The following EDNRA variants were observed in gnomAD, a reference collection of about 807,000 sequenced individuals.
EDNRA encodes endothelin-1 receptor.
Under a neutral mutation model 41.4 loss-of-function variants are expected in EDNRA, and 11 were observed. The ratio of observed to expected loss-of-function variants is 0.27; its 90% CI spans 0.17 to 0.44. The LOEUF is 0.44. Ranked by LOEUF, EDNRA falls within the 20% of genes least tolerant of loss-of-function variation. The pLI is 1.00. For synonymous variants in EDNRA, 172 were observed against 183.0 expected (o/e 0.94, Z 0.49); for missense variants, 294 against 531.0 (o/e 0.55, Z 4.39).
chr4:147,539,865 C>G lies in EDNRA; in HGVS notation c.949C>G (p.Leu317Val), dbSNP rs202191899. The G allele has an allele frequency of 1.2e-6, 2 of 1,612,782 alleles. No individual in the cohort carries two copies. Among genetic ancestry groups the G allele is most frequent in the Non-Finnish European group, 1.7e-6 (2 of 1,179,848 alleles). ...TTTCTGCTTGGTTGTAATTTTTGCT[C>G]TTTGCTGGTTCCCTCTTCATTTAAG... ...TVFCLVVIFA[L>V]CWFPLHLSRI... The change falls in exon 6 of 8, where the codon CTT (leucine) becomes GTT (valine). Residue 317 changes from leucine (L) to valine (V), a missense_variant. Physicochemically the swap from Leu to Val is conservative, Grantham distance 32 (BLOSUM62 1). Coordinates refer to ENST00000651419, the MANE Select transcript of EDNRA (RefSeq NM_001957.4).
At chr4:147,497,696 C>T (rs1490353043) in intron 2 of EDNRA, among the ~76,000 whole-genome samples, 1 of 152,038 alleles carries the variant, frequency 6.6e-6, no homozygotes, top group Admixed American at 6.6e-5. Flanking sequence ...CTCAGCCTCC[C>T]GAGTAGCTGG....
intron 2 of EDNRA, chr4:147,494,363 G>A (rs1472910651): frequency 6.6e-6 from 1 of 152,206 alleles, no homozygotes; most frequent in African/African-American, 2.4e-5. Context: ...AAAAGAGAGT[G>A]GAAAGAAGAG....
chr4:147,487,320 A>G (rs1728981532), intron 2 of EDNRA, among the ~76,000 whole-genome samples: 4 of 152,212 alleles, frequency 2.6e-5, no homozygotes, highest in Non-Finnish European at 1.5e-5. Flanking sequence ...AAGGAATTAC[A>G]TATTCCATAT....
chr4:147,498,847 C>A (rs893938982), intron 2 of EDNRA, among the ~76,000 whole-genome samples: 2 of 152,178 alleles, frequency 1.3e-5, no homozygotes, highest in African/African-American at 4.8e-5. Flanking sequence ...TCAAGCAATT[C>A]TCTTACCTCA....
At chr4:147,528,379 A>G in intron 3 of EDNRA, among the ~76,000 whole-genome samples, 1 of 134,798 alleles carries the variant, frequency 7.4e-6, no homozygotes, top group South Asian at 2.3e-4. Context: ...TTTTTTTCAG[A>G]CAGGGTCTTA....
At position 147,486,152 on chromosome 4, in the gene EDNRA, C is replaced by G; in HGVS notation, c.420+51C>G. The G allele has an allele frequency of 6.5e-7, 1 of 1,539,106 alleles. No individual in the cohort carries two copies. The highest frequency in any genetic ancestry group is 1.4e-5 in the African/African-American group (1 of 72,820). The stretch of plus-strand genomic sequence containing the variant: ...GCAAATTTAAACCCATGCTCTGATT[C>G]CACGTGGAGAGTTGCTGCAGACTTT... On this transcript the variant is annotated intron_variant, in intron 2 of 7. Coordinates refer to ENST00000651419, the MANE Select transcript of EDNRA (RefSeq NM_001957.4). This position sits in a 1 kb window ranked among gnomAD's most constrained non-coding sequence, Gnocchi z 4.3.
chr4:147,519,655 C>A lies in EDNRA; in HGVS notation c.421-196C>A, dbSNP rs1730244323. Among the ~76,000 whole-genome samples, 2 of 151,458 alleles carry A rather than the reference C, an allele frequency of 1.3e-5. No individual in the cohort carries two copies. The highest frequency in any genetic ancestry group is 3.9e-4 in the East Asian group (2 of 5,192). On this transcript the variant is annotated intron_variant, in intron 2 of 7. Transcript: ENST00000651419. The surrounding 1 kb of genome is among the most constrained non-coding windows in gnomAD (Gnocchi z 4.1). ...ATAATAATAAATTATATCTGTATAT[C>A]TTTCCAGACTAAAAATTGCTGAGGC...
chr4:147,506,277 T>C (rs1233188593), intron 2 of EDNRA: 1 of 473,810 alleles, frequency 2.1e-6, no homozygotes, highest in Non-Finnish European at 4.2e-6. Context: ...TCCATTTGTC[T>C]TGCAAAATAT....
intron 7 of EDNRA, among the ~76,000 whole-genome samples, chr4:147,541,716 C>T (rs1391112628): frequency 6.6e-6 from 1 of 152,074 alleles, no homozygotes; most frequent in African/African-American, 2.4e-5. Context: ...AGATGAAACT[C>T]GGTATGGAAG....
At chr4:147,505,655 T>G (rs1729683650) in intron 2 of EDNRA, among the ~76,000 whole-genome samples, 1 of 146,386 alleles carries the variant, frequency 6.8e-6, no homozygotes, top group Middle Eastern at 3.7e-3. Flanking sequence ...AGTTTTTTTT[T>G]TTTTTTTTTT....
intron 2 of EDNRA, among the ~76,000 whole-genome samples, chr4:147,513,934 A>T (rs1730008952): frequency 6.6e-6 from 1 of 152,218 alleles, no homozygotes; most frequent in Non-Finnish European, 1.5e-5. Flanking sequence ...AATAATGTAC[A>T]AGTAATAGGA....
intron 2 of EDNRA, chr4:147,493,257 G>C (rs1482284198): frequency 6.6e-6 from 1 of 152,084 alleles, no homozygotes; most frequent in Non-Finnish European, 1.5e-5. Flanking sequence ...GATACATTGT[G>C]TATGCGTGTG....
At chr4:147,525,046 T>G (rs1260451454) in intron 3 of EDNRA, among the ~76,000 whole-genome samples, 1 of 152,200 alleles carries the variant, frequency 6.6e-6, no homozygotes, top group Non-Finnish European at 1.5e-5. Flanking sequence ...GTTCCCATGA[T>G]TTTTTTACAC....
chr4:147,495,897 G>T (rs1372325328), intron 2 of EDNRA: 2 of 152,166 alleles, frequency 1.3e-5, no homozygotes, highest in Non-Finnish European at 2.9e-5. Flanking sequence ...TTGTGGATAT[G>T]TCTAAACTGA....
chr4:147,529,731 G>A (rs777772137), intron 3 of EDNRA, among the ~76,000 whole-genome samples: 2 of 152,100 alleles, frequency 1.3e-5, no homozygotes, highest in Admixed American at 6.5e-5. Flanking sequence ...ATTTATAATC[G>A]CACCTCATGA....
At chr4:147,520,226 G>A (rs1458738011) in intron 3 of EDNRA, among the ~76,000 whole-genome samples, 1 of 152,014 alleles carries the variant, frequency 6.6e-6, no homozygotes, top group Non-Finnish European at 1.5e-5. Context: ...CGCCCTTTTG[G>A]CAATAAAGTG....
rs183064574 is a variant in EDNRA at position 147,499,190 on chromosome 4, G to A, written c.420+13089G>A. On this transcript the variant is annotated intron_variant, in intron 2 of 7. Coordinates refer to ENST00000651419, the MANE Select transcript of EDNRA (RefSeq NM_001957.4). ...CCCACCTAAGCCTCCCAAGTGGCTG[G>A]GACTACAGGCACATGCCACCATGCC... 1.2e-3 allele frequency among the ~76,000 whole-genome samples: 179 copies of A among 152,172 alleles called. 1 individual carries two copies. Among genetic ancestry groups the A allele is most frequent in the African/African-American group, 4.0e-3 (164 of 41,516 alleles).
At chr4:147,538,099 T>C (rs1730976030) in intron 5 of EDNRA, among the ~76,000 whole-genome samples, 1 of 152,134 alleles carries the variant, frequency 6.6e-6, no homozygotes, top group African/African-American at 2.4e-5. Flanking sequence ...GGAGTTTATC[T>C]TTCTCCCATA....
chr4:147,521,318 A>G (rs975773429), intron 3 of EDNRA, among the ~76,000 whole-genome samples: 6 of 152,262 alleles, frequency 3.9e-5, no homozygotes, highest in Non-Finnish European at 8.8e-5. Context: ...TCCCATTGCA[A>G]TGGTAAACAC....
Sources: allele counts gnomAD v4.1 joint callset (sites outside exome capture counted in the v4.1 genomes callset), GRCh38; gene constraint gnomAD v4.1.1; non-coding constraint Gnocchi (gnomAD v3.1); transcripts MANE v1.5; gene names NCBI Gene and HGNC (gene_info 2026-07-23, HGNC 2026-07-21).